SEMA7A: variants seen among roughly 807,000 people sequenced by gnomAD.
SEMA7A encodes semaphorin 7A (JohnMiltonHagen blood group).
A neutral mutation model predicts 67.5 loss-of-function variants in SEMA7A; 21 were observed. The ratio of observed to expected loss-of-function variants is 0.31; its 90% CI spans 0.22 to 0.45. SEMA7A has a LOEUF of 0.45. SEMA7A is among the 20% of genes least tolerant of loss of function. The probability of loss-of-function intolerance (pLI) is 1.00; values close to 1 mark genes in which losing one functional copy is unlikely to be tolerated. For missense variants in SEMA7A, 774 were observed against 908.6 expected, an observed-to-expected ratio of 0.85 and a Z score of 1.90; for synonymous variants, 364 against 368.5, an observed-to-expected ratio of 0.99 and a Z score of 0.14.
At chr15:74,431,006 C>A (rs2061083839) in intron 1 of SEMA7A, among the ~76,000 whole-genome samples, 1 of 152,192 alleles carries the variant, frequency 6.6e-6, no homozygotes, top group African/African-American at 2.4e-5. Flanking sequence ...GGCTGGTTCA[C>A]CTCTGACCTT....
At chr15:74,422,146 A>C (rs1486716639) in intron 1 of SEMA7A, among the ~76,000 whole-genome samples, 1 of 152,010 alleles carries the variant, frequency 6.6e-6, no homozygotes, top group Non-Finnish European at 1.5e-5. Flanking sequence ...GGGAAGATGC[A>C]GCCTGTCCAA....
Position 74,427,474 on chromosome 15 carries a change from G to A in SEMA7A, c.178+6267C>T, listed in dbSNP as rs936576763. 37 of 728,286 alleles carry A rather than the reference G, an allele frequency of 5.1e-5. No individual in the cohort carries two copies. In the Middle Eastern group the frequency reaches 2.1e-3, roughly 41 times the overall value. The allele number at this position is 728,286 out of a possible 1,614,324, so 45.1% of individuals were successfully genotyped here. On this transcript the variant is annotated intron_variant, in intron 1 of 13. Transcript: ENST00000261918. ...CTCCCAAGTAGCTGGGATTACAGGC[G>A]TGTGCCACCACACCCAGCTAATTTT...
chr15:74,424,815 C>T (rs1246749815), intron 1 of SEMA7A, among the ~76,000 whole-genome samples: 1 of 152,242 alleles, frequency 6.6e-6, no homozygotes, highest in Non-Finnish European at 1.5e-5. Flanking sequence ...CATCATGTCC[C>T]ATCTACCTTC....
Position 74,414,515 on chromosome 15 carries a change from A to G in SEMA7A, c.1294+32T>C. The G allele has an allele frequency of 6.2e-7, 1 of 1,603,400 alleles. No individual in the cohort carries two copies. The highest frequency in any genetic ancestry group is 1.7e-5 in the Admixed American group (1 of 59,736). ...ACACCTTTCATGCCCGTTTTTACAA[A>G]GCAAACTGAGGGTCCCGGGGTAGCC... On this transcript the variant is annotated intron_variant, in intron 10 of 13. Coordinates refer to ENST00000261918, the MANE Select transcript of SEMA7A (RefSeq NM_003612.5). This position sits in a 1 kb window ranked among gnomAD's most constrained non-coding sequence, Gnocchi z 4.1.
intron 10 of SEMA7A, among the ~76,000 whole-genome samples, chr15:74,412,800 C>T (rs999621017): frequency 6.6e-6 from 1 of 151,776 alleles, no homozygotes; most frequent in Non-Finnish European, 1.5e-5. Flanking sequence ...ATTCAGGACT[C>T]CACGTTGCAT....
intron 1 of SEMA7A, among the ~76,000 whole-genome samples, chr15:74,426,664 A>C (rs138412027): frequency 2.6e-5 from 4 of 152,150 alleles, no homozygotes; most frequent in African/African-American, 7.2e-5. Flanking sequence ...TTATCCCAGC[A>C]CTTCGGGAGA....
At chr15:74,424,050 G>GA (rs2061022538) in intron 1 of SEMA7A, among the ~76,000 whole-genome samples, 1 of 152,212 alleles carries the variant, frequency 6.6e-6, no homozygotes, top group South Asian at 2.1e-4. Flanking sequence ...TGAGCTATGA[G>GA]AAGAGCGAGC....
chr15:74,416,042 A>G (rs1356824531), intron 7 of SEMA7A, 57 bp from the exon 8 acceptor site: 3 of 1,531,102 alleles, frequency 2.0e-6, no homozygotes, highest in Non-Finnish European at 2.7e-6. Context: ...TTCCCCACAC[A>G]CCCCAGGAAA....
Position 74,411,248 on chromosome 15 carries a change from T to G in SEMA7A, c.1639+47A>C, listed in dbSNP as rs755021775. On this transcript the variant is annotated intron_variant, in intron 13 of 13. Coordinates refer to ENST00000261918, the MANE Select transcript of SEMA7A (RefSeq NM_003612.5). The surrounding 1 kb of genome is among the most constrained non-coding windows in gnomAD (Gnocchi z 4.4). The stretch of plus-strand genomic sequence containing the variant: ...GACCAGGACAATCAGGGCAGGGCAG[T>G]ACCCCACTCATTGGGCCACAGCCGC... The G allele has an allele frequency of 1.9e-6, 3 of 1,586,026 alleles. No homozygotes were observed. Among genetic ancestry groups the G allele is most frequent in the South Asian group, 2.3e-5 (2 of 88,626 alleles).
intron 1 of SEMA7A, among the ~76,000 whole-genome samples, chr15:74,429,430 G>GC (rs2061069310): frequency 6.6e-6 from 1 of 152,172 alleles, no homozygotes; most frequent in Non-Finnish European, 1.5e-5. Context: ...CCCCCACCCT[G>GC]CCACCTCCAT....
In SEMA7A at chr15:74,411,018, G is replaced by C. The variant is rs762383759; in HGVS notation, c.1640-33C>G. ...GGCAGTGGGGAAGCAGCCGTGAGGA[G>C]GGACAAAGAGCTCCCAGGGGAGGAT... On this transcript the variant is annotated intron_variant, in intron 13 of 13. Coordinates refer to ENST00000261918, the MANE Select transcript of SEMA7A (RefSeq NM_003612.5). This position sits in a 1 kb window ranked among gnomAD's most constrained non-coding sequence, Gnocchi z 4.4. 6.3e-7 allele frequency: 1 copy of C among 1,591,056 alleles called. No homozygotes were observed. Among genetic ancestry groups the C allele is most frequent in the Admixed American group, 1.7e-5 (1 of 58,954 alleles).
intron 2 of SEMA7A, 87 bp from the exon 3 acceptor site, chr15:74,418,396 AAAGG>A (rs2060971061): frequency 7.6e-7 from 1 of 1,308,710 alleles, no homozygotes; most frequent in Non-Finnish European, 1.1e-6. Flanking sequence ...GATAAGCCCC[AAAGG>A]AAGCAACCAT....
In SEMA7A at chr15:74,411,625, C is replaced by A; in HGVS notation, c.1508G>T (p.Cys503Phe). ...CEVYGGGCHG[C>F]LMSRDPYCGW... ...GCAGTAGGGGTCTCGGGACATGAGG[C>A]AACCGTGGCAGCCCCCGCCATAGAC... is the stretch of plus-strand genomic sequence containing the variant. Residue 503 changes from cysteine to phenylalanine, a missense_variant, in exon 12 of 14, where the codon TGC becomes TTC. Coordinates refer to ENST00000261918, the MANE Select transcript of SEMA7A (RefSeq NM_003612.5). The surrounding 1 kb of genome is among the most constrained non-coding windows in gnomAD (Gnocchi z 4.4). 1 of 1,608,928 alleles carries A rather than the reference C, an allele frequency of 6.2e-7. No homozygotes were observed.
At chr15:74,424,840 C>T (rs2061030507) in intron 1 of SEMA7A, among the ~76,000 whole-genome samples, 1 of 152,212 alleles carries the variant, frequency 6.6e-6, no homozygotes, top group Admixed American at 6.5e-5. Context: ...TGTTCTCCAG[C>T]CCAGCAGGTT....
rs1310853022 is a variant in SEMA7A, at chr15:74,426,304, CT to C, written c.179-7353del. 5.9e-5 allele frequency among the ~76,000 whole-genome samples: 9 copies of C among 152,128 alleles called. No homozygotes were observed. In the East Asian group the frequency reaches 1.7e-3, roughly 30 times the overall value. On this transcript the variant is annotated intron_variant, in intron 1 of 13. Coordinates refer to ENST00000261918, the MANE Select transcript of SEMA7A (RefSeq NM_003612.5). Reference sequence around the variant, plus strand: ...CAACAACAACAACAAAACAAACTCCCTGTGGAAAACTTGTTTTAATAACACC... The same window carrying C: ...CAACAACAACAACAAAACAAACTCCCGTGGAAAACTTGTTTTAATAACACC...
At chr15:74,420,655 C>A (rs992734573) in intron 1 of SEMA7A, among the ~76,000 whole-genome samples, 1 of 152,290 alleles carries the variant, frequency 6.6e-6, no homozygotes, top group Admixed American at 6.5e-5. Context: ...CCTGCTCCCC[C>A]TCCCTTCCTG....
intron 1 of SEMA7A, among the ~76,000 whole-genome samples, chr15:74,420,849 C>G (rs1416322717): frequency 6.6e-6 from 1 of 152,204 alleles, no homozygotes; most frequent in Non-Finnish European, 1.5e-5. Context: ...GACTGGCAGC[C>G]AGGAAAAGGT....
chr15:74,433,165 C>G (rs1447456168), intron 1 of SEMA7A, among the ~76,000 whole-genome samples: 1 of 152,072 alleles, frequency 6.6e-6, no homozygotes. Context: ...CCATGTCCCG[C>G]CGCTCGCTGC....
At position 74,411,938 on chromosome 15, in the gene SEMA7A, G is replaced by T; in HGVS notation, c.1369C>A (p.Gln457Lys). ...ATGGCAGCCGCGCGGCGGAAGGGCTGGATCTCCATGATGTTGAAGGCGAAG... is the reference window on the plus strand; with the variant it reads ...ATGGCAGCCGCGCGGCGGAAGGGCTTGATCTCCATGATGTTGAAGGCGAAG... ...HSFAFNIMEI[Q>K]PFRRAAAIQT... Residue 457 changes from glutamine to lysine, a missense_variant, in exon 11 of 14, where the codon CAG (glutamine) becomes AAG (lysine). Physicochemically the swap from Gln to Lys is moderately conservative, Grantham distance 53 (BLOSUM62 1). Around this residue, in one of 2 missense-constraint regions of SEMA7A, gnomAD observed 427 missense variants for 555.4 expected, o/e 0.77. Transcript: ENST00000261918. The surrounding 1 kb of genome is among the most constrained non-coding windows in gnomAD (Gnocchi z 4.4). The T allele has an allele frequency of 6.2e-7, 1 of 1,614,066 alleles. No homozygotes were observed. Among genetic ancestry groups the T allele is most frequent in the Non-Finnish European group, 8.5e-7 (1 of 1,180,046 alleles).
Sources: allele counts gnomAD v4.1 joint callset (sites outside exome capture counted in the v4.1 genomes callset), GRCh38; gene constraint gnomAD v4.1.1; regional missense constraint gnomAD v4.1.1; non-coding constraint Gnocchi (gnomAD v3.1); transcripts MANE v1.5; gene names NCBI Gene and HGNC (gene_info 2026-07-23, HGNC 2026-07-21).